DOCK8: variants seen among roughly 807,000 people sequenced by gnomAD.
DOCK8 encodes dedicator of cytokinesis 8.
In DOCK8, 141 loss-of-function variants were observed where a neutral mutation model predicts 245.6. That is an observed-to-expected ratio of 0.57 (90% confidence interval 0.50 to 0.66). The LOEUF (loss-of-function observed/expected upper bound fraction) is 0.66, where lower values mean the gene tolerates loss of function less well. Ranked by LOEUF, DOCK8 falls within the 30% of genes least tolerant of loss-of-function variation. DOCK8 has a pLI of 0.00. For synonymous variants in DOCK8, 1,168 were observed against 970.2 expected (o/e 1.20, Z -3.79); for missense variants, 2,965 against 2,603.4 (o/e 1.14, Z -3.02).
At chr9:397,998 A>G (rs2054543186) in intron 25 of DOCK8, among the ~76,000 whole-genome samples, 1 of 152,234 alleles carries the variant, frequency 6.6e-6, no homozygotes, top group African/African-American at 2.4e-5. Context: ...AGCTACAAAA[A>G]TCTTAGGAAG....
At chr9:269,858 A>G (rs1402707054) in intron 1 of DOCK8, among the ~76,000 whole-genome samples, 1 of 152,172 alleles carries the variant, frequency 6.6e-6, no homozygotes, top group Admixed American at 6.5e-5. Flanking sequence ...ACACACTGCC[A>G]GAAGTATGTT....
At chr9:306,995 A>G (rs1289683438) in intron 5 of DOCK8, among the ~76,000 whole-genome samples, 7 of 152,136 alleles carry the variant, frequency 4.6e-5, no homozygotes, top group Non-Finnish European at 1.0e-4. Context: ...GGTACCTTCA[A>G]GGAGGTAAGA....
intron 8 of DOCK8, among the ~76,000 whole-genome samples, chr9:326,702 C>T (rs2050780232): frequency 6.6e-6 from 1 of 152,188 alleles, no homozygotes; most frequent in Admixed American, 6.5e-5. Flanking sequence ...TACAGGCTGG[C>T]AGTGGCTCCT....
At chr9:233,742 T>C (rs550290813) in intron 1 of DOCK8, among the ~76,000 whole-genome samples, 34 of 152,236 alleles carry the variant, frequency 2.2e-4, no homozygotes, top group Middle Eastern at 3.4e-3. Context: ...TTGTTTTCCA[T>C]TTGCTTGGTA....
chr9:230,530 G>T lies in DOCK8; in HGVS notation c.53+15501G>T, dbSNP rs542902763. Among the ~76,000 whole-genome samples the T allele has an allele frequency of 5.7e-4, 87 of 152,100 alleles. 1 individual carries two copies. Among genetic ancestry groups the T allele is most frequent in the African/African-American group, 2.1e-3 (85 of 41,440 alleles). Reference sequence around the variant, plus strand: ...ACAGTCCCACCAACAGTGTAAAAGTGTTCCTATTTCTCCACATCCTCTCCG... The same window carrying T: ...ACAGTCCCACCAACAGTGTAAAAGTTTTCCTATTTCTCCACATCCTCTCCG... On this transcript the variant is annotated intron_variant, in intron 1 of 47. Transcript: ENST00000432829.
intron 12 of DOCK8, among the ~76,000 whole-genome samples, 178 bp downstream of exon 12, chr9:336,896 G>C (rs893190003): frequency 7.9e-5 from 12 of 152,238 alleles, no homozygotes; most frequent in African/African-American, 2.9e-4. Context: ...AAAGAAAAGG[G>C]ATTTGTTTCT....
In DOCK8 at chr9:366,480, T is replaced by G. The variant is rs1034350364; in HGVS notation, c.1680-1538T>G. 2.6e-5 allele frequency: 4 copies of G among 152,250 alleles called. No homozygotes were observed. The South Asian group carries it at 8.3e-4, about 32-fold the overall frequency. 9.4% of individuals were successfully genotyped at this position (152,250 alleles called of 1,614,324 possible). ...CTCGAATACCTGAGAGCATTCATTATTTTGCAAGAGATTTGAGAATCCCTG... is the reference window on the plus strand; with the variant it reads ...CTCGAATACCTGAGAGCATTCATTAGTTTGCAAGAGATTTGAGAATCCCTG... On this transcript the variant is annotated intron_variant, in intron 14 of 47. Transcript: ENST00000432829.
At chr9:365,043 GA>G (rs1404452606) in intron 14 of DOCK8, among the ~76,000 whole-genome samples, 1 of 152,126 alleles carries the variant, frequency 6.6e-6, no homozygotes, top group African/African-American at 2.4e-5. Context: ...TCTAGGTTTT[GA>G]AAAAAGGCCA....
chr9:399,884 A>C (rs943626180), intron 26 of DOCK8, among the ~76,000 whole-genome samples: 1 of 151,734 alleles, frequency 6.6e-6, no homozygotes, highest in Admixed American at 6.6e-5. Context: ...CCATATCCCT[A>C]ATCTAGCCAC....
Position 358,865 on chromosome 9 carries a change from C to A in DOCK8, c.1680-9153C>A, listed in dbSNP as rs1371302321. Reference sequence around the variant, plus strand: ...CTCCATCTCAAAGAGAAACAAACAACAACAACAACAAAACCTGCAAATTTG... The same window carrying A: ...CTCCATCTCAAAGAGAAACAAACAAAAACAACAACAAAACCTGCAAATTTG... On this transcript the variant is annotated intron_variant, in intron 14 of 47. Transcript: ENST00000432829. Among the ~76,000 whole-genome samples the A allele has an allele frequency of 2.0e-5, 3 of 152,054 alleles. No individual in the cohort carries two copies. In the East Asian group the frequency reaches 5.8e-4, roughly 29 times the overall value.
chr9:425,524 G>C (rs987725956), intron 33 of DOCK8, among the ~76,000 whole-genome samples: 1 of 147,988 alleles, frequency 6.8e-6, no homozygotes, highest in African/African-American at 2.5e-5. Flanking sequence ...GGGCGACAGA[G>C]GGAGACTCCG....
intron 33 of DOCK8, among the ~76,000 whole-genome samples, chr9:422,919 A>C (rs1403824391): frequency 6.7e-6 from 1 of 149,322 alleles, no homozygotes; most frequent in Non-Finnish European, 1.5e-5. Flanking sequence ...CGGGAGGCAG[A>C]GGTTGCAGTG....
intron 39 of DOCK8, among the ~76,000 whole-genome samples, chr9:438,203 G>C (rs184700014): frequency 6.6e-6 from 1 of 152,334 alleles, no homozygotes; most frequent in East Asian, 1.9e-4. Flanking sequence ...TGCTAACCAG[G>C]CCAGAAGGCA....
At chr9:315,354 C>G (rs1246350435) in intron 6 of DOCK8, among the ~76,000 whole-genome samples, 1 of 152,116 alleles carries the variant, frequency 6.6e-6, no homozygotes, top group African/African-American at 2.4e-5. Flanking sequence ...TTTCAGTTAG[C>G]TATAAAGCCT....
chr9:433,180 G>A (rs554703155), intron 37 of DOCK8, among the ~76,000 whole-genome samples: 1 of 152,198 alleles, frequency 6.6e-6, no homozygotes, highest in African/African-American at 2.4e-5. Flanking sequence ...TTATATAGAG[G>A]TATTCACCAA....
At chr9:332,601 A>G in intron 10 of DOCK8, 123 bp downstream of exon 10, 1 of 578,106 alleles carries the variant, frequency 1.7e-6, no homozygotes, top group Non-Finnish European at 3.1e-6. Flanking sequence ...ACACTACTAC[A>G]TTTTAATTAA....
chr9:215,042 C>G lies in DOCK8; in HGVS notation c.53+13C>G, dbSNP rs1056951278. 5 of 1,570,884 alleles carry G rather than the reference C, an allele frequency of 3.2e-6. 1 individual carries two copies. In the South Asian group the frequency reaches 5.7e-5, roughly 18 times the overall value. On this transcript the variant is annotated intron_variant, in intron 1 of 47. Coordinates refer to ENST00000432829, the MANE Select transcript of DOCK8 (RefSeq NM_203447.4). Reference sequence around the variant, plus strand: ...TCAAGATCAACAGGTAAGACGCCCCCCGCGGCGCGCAGGTTGCGGCCGGAC... The same window carrying G: ...TCAAGATCAACAGGTAAGACGCCCCGCGCGGCGCGCAGGTTGCGGCCGGAC...
At chr9:403,664 G>A (rs573763686) in intron 26 of DOCK8, among the ~76,000 whole-genome samples, 29 of 151,844 alleles carry the variant, frequency 1.9e-4, no homozygotes, top group African/African-American at 7.0e-4. Flanking sequence ...AGGAGTTCGA[G>A]ACCAGCTTGG....
chr9:393,319 TACCAATAGTTGGC>T (rs2054291270), intron 24 of DOCK8, among the ~76,000 whole-genome samples: 1 of 96,932 alleles, frequency 1.0e-5, no homozygotes, highest in Admixed American at 1.1e-4. Flanking sequence ...ATAGTTGGCA[TACCAATAGTTGGC>T]ATACCAATGG....
Sources: allele counts gnomAD v4.1 joint callset (sites outside exome capture counted in the v4.1 genomes callset), GRCh38; gene constraint gnomAD v4.1.1; transcripts MANE v1.5; gene names NCBI Gene and HGNC (gene_info 2026-07-23, HGNC 2026-07-21).